UIMC1: variants seen among roughly 807,000 people sequenced by gnomAD.
The protein encoded by UIMC1 is ubiquitin interaction motif containing 1.
A neutral mutation model predicts 84.9 loss-of-function variants in UIMC1; 42 were observed. That is an observed-to-expected ratio of 0.49 (90% CI 0.39 to 0.64). The LOEUF (loss-of-function observed/expected upper bound fraction) is 0.64. UIMC1 is among the 30% of genes least tolerant of loss of function. The pLI is 0.00. For missense variants in UIMC1, 825 were observed against 847.6 expected, an observed-to-expected ratio of 0.97 and a Z score of 0.33; for synonymous variants, 281 against 293.0, an observed-to-expected ratio of 0.96 and a Z score of 0.42.
intron 9 of UIMC1, among the ~76,000 whole-genome samples, chr5:176,946,846 G>A (rs1049219973): frequency 6.6e-6 from 1 of 152,056 alleles, no homozygotes; most frequent in Admixed American, 6.6e-5. Context: ...AAAAAGAAAA[G>A]ACAAATAGCA....
At chr5:176,941,222 A>C (rs928956470) in intron 10 of UIMC1, among the ~76,000 whole-genome samples, 1 of 152,218 alleles carries the variant, frequency 6.6e-6, no homozygotes, top group Non-Finnish European at 1.5e-5. Context: ...AAATATTTAC[A>C]CTATAAACAG....
intron 12 of UIMC1, 35 bp downstream of exon 12, chr5:176,908,488 G>A (rs1345592662): frequency 1.3e-6 from 2 of 1,587,602 alleles, no homozygotes; most frequent in Admixed American, 1.7e-5. Flanking sequence ...AACCAGGAGG[G>A]TTAGGTGGCC....
At chr5:177,021,812 C>T (rs929038718) in intron 1 of UIMC1, among the ~76,000 whole-genome samples, 1 of 152,122 alleles carries the variant, frequency 6.6e-6, no homozygotes, top group Admixed American at 6.6e-5. Context: ...CCACCACACC[C>T]GTCTAATTTT....
chr5:177,007,743 A>T (rs1013321832), upstream of UIMC1, among the ~76,000 whole-genome samples: 2 of 152,196 alleles, frequency 1.3e-5, no homozygotes, highest in Non-Finnish European at 2.9e-5. Flanking sequence ...GGGGTGAAAG[A>T]AGGAGTAGCG....
intron 1 of UIMC1, among the ~76,000 whole-genome samples, chr5:177,004,442 A>AT (rs933551383): frequency 1.7e-3 from 252 of 151,582 alleles, no homozygotes; most frequent in African/African-American, 5.8e-3. Flanking sequence ...TTCAACTACT[A>AT]TTTTTTTTTA....
intron 6 of UIMC1, 88 bp from the exon 7 acceptor site, chr5:176,958,242 T>C: frequency 9.1e-7 from 1 of 1,101,622 alleles, no homozygotes; most frequent in Admixed American, 2.1e-5. Context: ...TTGTTCAATG[T>C]TCTCCCTCAA....
chr5:176,998,381 T>C (rs1561917273), intron 1 of UIMC1, among the ~76,000 whole-genome samples: 1 of 142,862 alleles, frequency 7.0e-6, no homozygotes, highest in East Asian at 2.2e-4. Flanking sequence ...CAAGAATCAC[T>C]TGAACCCAGG....
At chr5:176,992,738 C>G (rs946448811) in intron 1 of UIMC1, among the ~76,000 whole-genome samples, 2 of 151,648 alleles carry the variant, frequency 1.3e-5, no homozygotes, top group African/African-American at 4.8e-5. Flanking sequence ...CCAGGGAGGT[C>G]AAAGCTGCAA....
chr5:176,992,849 T>G (rs887131978), intron 1 of UIMC1, among the ~76,000 whole-genome samples: 1 of 151,840 alleles, frequency 6.6e-6, no homozygotes, highest in African/African-American at 2.4e-5. Flanking sequence ...AGAAAATATG[T>G]GCAATACATT....
intron 9 of UIMC1, among the ~76,000 whole-genome samples, chr5:176,944,398 A>G (rs1275374789): frequency 1.3e-5 from 2 of 152,212 alleles, no homozygotes; most frequent in Admixed American, 1.3e-4. Context: ...TTTTACCTAC[A>G]CAGGTTGATC....
chr5:176,987,204 A>G (rs896257711), intron 1 of UIMC1, among the ~76,000 whole-genome samples: 4 of 151,544 alleles, frequency 2.6e-5, no homozygotes, highest in Admixed American at 6.6e-5. Flanking sequence ...CTGGGCGACA[A>G]GAGCGAAACT....
Position 177,012,236 on chromosome 5 carries a change from C to T in UIMC1, c.-9+10228G>A, listed in dbSNP as rs565333474. On this transcript the variant is annotated intron_variant, in intron 1 of 5. Coordinates refer to the UIMC1 transcript ENST00000509236. ...ATAAAGTTAAAACCCAGAACATTCACAACCAAATTTATGATCTTCCCCTCA... is the reference window on the plus strand; with the variant it reads ...ATAAAGTTAAAACCCAGAACATTCATAACCAAATTTATGATCTTCCCCTCA... Among the ~76,000 whole-genome samples, 40 of 152,292 alleles carry T rather than the reference C, an allele frequency of 2.6e-4. 1 individual carries two copies. The South Asian group carries it at 6.2e-3, about 24-fold the overall frequency.
intron 10 of UIMC1, chr5:176,919,189 G>A: frequency 2.5e-6 from 1 of 403,266 alleles, no homozygotes; most frequent in Non-Finnish European, 4.9e-6. Context: ...TGAGGTGGGA[G>A]GATTGCTTGA....
chr5:176,963,928 C>T (rs1282062653), intron 6 of UIMC1, among the ~76,000 whole-genome samples: 2 of 152,056 alleles, frequency 1.3e-5, no homozygotes, highest in African/African-American at 4.8e-5. Flanking sequence ...TAACATACTA[C>T]CCCTTCCAAC....
At chr5:177,006,975 C>CT (rs953179126), upstream of UIMC1, among the ~76,000 whole-genome samples, 1 of 152,156 alleles carries the variant, frequency 6.6e-6, no homozygotes, top group African/African-American at 2.4e-5. Context: ...ATAGAACGGC[C>CT]ACTTTTGAGG....
chr5:176,988,012 T>G (rs1430570309), intron 1 of UIMC1, among the ~76,000 whole-genome samples: 1 of 149,782 alleles, frequency 6.7e-6, no homozygotes, highest in East Asian at 2.0e-4. Flanking sequence ...TAGTCCCAGT[T>G]AGTTGGGAGG....
chr5:176,980,897 T>G (rs1387754224), intron 2 of UIMC1, among the ~76,000 whole-genome samples: 1 of 150,980 alleles, frequency 6.6e-6, no homozygotes, highest in Non-Finnish European at 1.5e-5. Context: ...CACGCCACCA[T>G]GCCCAGCTAA....
upstream of UIMC1, among the ~76,000 whole-genome samples, chr5:177,007,215 G>A (rs1775383768): frequency 6.6e-6 from 1 of 151,534 alleles, no homozygotes; most frequent in Non-Finnish European, 1.5e-5. Context: ...TGGCGCGTGC[G>A]TGTAATAACA....
rs1764717777 is a variant in UIMC1 at position 176,943,568 on chromosome 5, C to T, written c.1444-80G>A. On this transcript the variant is annotated intron_variant, in intron 9 of 14. Transcript: ENST00000511320. The stretch of plus-strand genomic sequence containing the variant: ...CAACGAACTGCAAGAGACTCCACCC[C>T]ATATTTCACTTACTTTCAAAGAGAC... 3.3e-6 allele frequency: 5 copies of T among 1,503,490 alleles called. No homozygotes were observed. The South Asian group carries it at 3.9e-5, about 12-fold the overall frequency. The allele number at this position is 1,503,490 out of a possible 1,614,324, so 93.1% of individuals were successfully genotyped here.
Sources: allele counts gnomAD v4.1 joint callset (sites outside exome capture counted in the v4.1 genomes callset), GRCh38; gene constraint gnomAD v4.1.1; transcripts MANE v1.5; gene names NCBI Gene and HGNC (gene_info 2026-07-23, HGNC 2026-07-21).